The following GPM6B variants were observed in gnomAD, a reference collection of about 807,000 sequenced individuals.
GPM6B encodes the protein neuronal membrane glycoprotein M6-b.
A neutral mutation model predicts 27.2 loss-of-function variants in GPM6B; 4 were observed. The ratio of observed to expected loss-of-function variants is 0.15; its 90% CI spans 0.07 to 0.34. GPM6B has a LOEUF of 0.34. Among genes scored for constraint, GPM6B ranks in the 10% least tolerant of loss-of-function variants. The pLI, the probability that GPM6B is intolerant of heterozygous loss-of-function variation, is 1.00. For synonymous variants in GPM6B, 124 were observed against 103.1 expected, an observed-to-expected ratio of 1.20 and a Z score of -1.23; for missense variants, 183 against 261.9, an observed-to-expected ratio of 0.70 and a Z score of 2.08.
chrX:13,873,450 G>A (rs2050001901), intron 1 of GPM6B, among the ~76,000 whole-genome samples: 1 of 111,580 alleles, frequency 9.0e-6, no homozygotes, highest in African/African-American at 3.3e-5. Context: ...AGGGATTATG[G>A]GGTTCCTTTG....
chrX:13,784,510 C>G (rs191341155), intron 3 of GPM6B, among the ~76,000 whole-genome samples: 7 of 112,099 alleles, frequency 6.2e-5, no homozygotes. Context: ...TCCAACATGA[C>G]TCCATGACCA....
chrX:13,864,092 A>G (rs1277483324), intron 1 of GPM6B, among the ~76,000 whole-genome samples: 1 of 112,240 alleles, frequency 8.9e-6, no homozygotes, highest in East Asian at 2.8e-4. Context: ...CAACAGAGTA[A>G]CATTGAAAAG....
intron 1 of GPM6B, among the ~76,000 whole-genome samples, chrX:13,837,839 C>T (rs189462317): frequency 9.2e-6 from 1 of 108,892 alleles, no homozygotes; most frequent in East Asian, 2.9e-4. Context: ...CAAGCCTTCC[C>T]TCAAATGGCT....
chrX:13,823,488 T>TC (rs2049334374), intron 1 of GPM6B, among the ~76,000 whole-genome samples: 1 of 109,260 alleles, frequency 9.2e-6, no homozygotes, highest in Admixed American at 9.8e-5. Context: ...AATGACCCTT[T>TC]CTCTCCTGAC....
At chrX:13,826,264 G>C (rs1048012128) in intron 1 of GPM6B, among the ~76,000 whole-genome samples, 6 of 110,734 alleles carry the variant, frequency 5.4e-5, no homozygotes, top group African/African-American at 2.0e-4. Flanking sequence ...AGACCCTAGG[G>C]AGGTAGAGTG....
intron 1 of GPM6B, among the ~76,000 whole-genome samples, chrX:13,869,438 A>G (rs2049952759): frequency 9.0e-6 from 1 of 110,600 alleles, no homozygotes; most frequent in Admixed American, 9.6e-5. Flanking sequence ...TAAATATTCT[A>G]AAACACAGTG....
chrX:13,919,851 A>C (rs1247916793), intron 1 of GPM6B, among the ~76,000 whole-genome samples: 1 of 111,848 alleles, frequency 8.9e-6, no homozygotes, highest in Non-Finnish European at 1.9e-5. Flanking sequence ...TCTCCAAAGG[A>C]GCTGTTGAAG....
intron 1 of GPM6B, among the ~76,000 whole-genome samples, chrX:13,905,230 C>CAAAAAAAAAAAAAAAA (rs199791285): frequency 4.6e-5 from 3 of 64,721 alleles, no homozygotes; most frequent in African/African-American, 1.1e-4. Context: ...GGCCCTGTCT[C>CAAAAAAAAAAAAAAAA]AAAAAAAAAA....
At chrX:13,796,772 G>A (rs1447031963) in intron 2 of GPM6B, among the ~76,000 whole-genome samples, 3 of 112,471 alleles carry the variant, frequency 2.7e-5, no homozygotes, top group African/African-American at 9.7e-5. Flanking sequence ...AAATAGATGA[G>A]CCTCTAACAT....
chrX:13,787,633 A>T (rs757287413), intron 2 of GPM6B, among the ~76,000 whole-genome samples: 1 of 112,570 alleles, frequency 8.9e-6, no homozygotes, highest in Admixed American at 9.4e-5. Flanking sequence ...AGCTTCAGAC[A>T]CTTGGGATTT....
rs746618855 is a variant in GPM6B, at chrX:13,807,424, GGAA to G, written c.181+223_181+225del. Among the ~76,000 whole-genome samples the G allele has an allele frequency of 5.4e-5, 6 of 112,143 alleles. No homozygotes were observed. In the East Asian group the frequency reaches 1.1e-3, roughly 21 times the overall value. ...TGATTGAAGGTGAAAGAGGGAAGAGGGAAGAAGGAGAAGAAAGTGGAGAAAGAT... is the reference window on the plus strand; with the variant it reads ...TGATTGAAGGTGAAAGAGGGAAGAGGGAAGGAGAAGAAAGTGGAGAAAGAT... On this transcript the variant is annotated intron_variant, in intron 2 of 7. Coordinates refer to ENST00000316715, the MANE Select transcript of GPM6B (RefSeq NM_001001995.3).
At chrX:13,848,908 G>T (rs1486446209) in intron 1 of GPM6B, among the ~76,000 whole-genome samples, 1 of 111,839 alleles carries the variant, frequency 8.9e-6, no homozygotes, top group Non-Finnish European at 1.9e-5. Flanking sequence ...GGTACAATAT[G>T]GATGAACCTG....
At chrX:13,878,479 C>T (rs756508873) in intron 1 of GPM6B, among the ~76,000 whole-genome samples, 3 of 111,775 alleles carry the variant, frequency 2.7e-5, no homozygotes, top group South Asian at 3.7e-4. Flanking sequence ...CCAGCATCTA[C>T]TGAAGGGCAG....
At chrX:13,859,643 A>C (rs1487647175) in intron 1 of GPM6B, among the ~76,000 whole-genome samples, 1 of 110,530 alleles carries the variant, frequency 9.0e-6, no homozygotes, top group Non-Finnish European at 1.9e-5. Flanking sequence ...ATCTACCCTA[A>C]GAGATGGATA....
chrX:13,915,606 T>C (rs755796235), intron 1 of GPM6B, among the ~76,000 whole-genome samples: 1 of 112,904 alleles, frequency 8.9e-6, no homozygotes, highest in East Asian at 2.8e-4. Context: ...GTCACATCTG[T>C]GATACAATGA....
At chrX:13,879,539 A>G (rs2050072875) in intron 1 of GPM6B, among the ~76,000 whole-genome samples, 1 of 112,383 alleles carries the variant, frequency 8.9e-6, no homozygotes, top group South Asian at 3.7e-4. Context: ...AACCTTGTAA[A>G]TATTATACCA....
chrX:13,812,364 TA>T (rs1186926359), intron 1 of GPM6B, among the ~76,000 whole-genome samples: 2 of 111,586 alleles, frequency 1.8e-5, no homozygotes, highest in African/African-American at 3.3e-5. Context: ...AGAACACCAT[TA>T]AACGAATAAA....
At chrX:13,833,240 T>G (rs1409391800) in intron 1 of GPM6B, among the ~76,000 whole-genome samples, 1 of 111,937 alleles carries the variant, frequency 8.9e-6, no homozygotes, top group East Asian at 2.8e-4. Flanking sequence ...TGTACATTCA[T>G]AATTTCTACA....
chrX:13,788,699 T>G (rs1481071853), intron 2 of GPM6B, among the ~76,000 whole-genome samples: 1 of 110,203 alleles, frequency 9.1e-6, no homozygotes, highest in East Asian at 2.8e-4. Flanking sequence ...AAACGGTCTT[T>G]CATCCAAATG....
Sources: allele counts gnomAD v4.1 joint callset (sites outside exome capture counted in the v4.1 genomes callset), GRCh38; gene constraint gnomAD v4.1.1; transcripts MANE v1.5; gene names NCBI Gene and HGNC (gene_info 2026-07-23, HGNC 2026-07-21).